PRDM16: variants seen among roughly 807,000 people sequenced by gnomAD.
The protein encoded by PRDM16 is PR/SET domain 16, also known as histone-lysine N-methyltransferase PRDM16.
PRDM16 carries 23 observed loss-of-function variants against 110.6 expected under a neutral mutation model. That is an observed-to-expected ratio of 0.21 (90% CI 0.15 to 0.29). The LOEUF is 0.29. PRDM16 is among the 10% of genes least tolerant of loss of function. The pLI, the probability that PRDM16 is intolerant of heterozygous loss-of-function variation, is 1.00. For synonymous variants in PRDM16, 799 were observed against 781.8 expected (o/e 1.02, Z -0.37); for missense variants, 1,615 against 1,794.3 (o/e 0.90, Z 1.81).
intron 3 of PRDM16, among the ~76,000 whole-genome samples, chr1:3,251,297 C>T (rs1225832837): frequency 2.7e-5 from 1 of 36,614 alleles, no homozygotes; most frequent in East Asian, 5.4e-4. Flanking sequence ...TCACGTGCTG[C>T]GTGGTTCAGG....
intron 8 of PRDM16, among the ~76,000 whole-genome samples, chr1:3,410,818 C>G (rs1384309809): frequency 6.6e-6 from 1 of 152,198 alleles, no homozygotes; most frequent in African/African-American, 2.4e-5. Context: ...TGGCAGACAC[C>G]ATCACATGCA....
rs1254921940 is a variant in PRDM16 at position 3,435,762 on chromosome 1, A to G, written c.*1951A>G. The G allele has an allele frequency of 1.3e-5, 3 of 231,374 alleles. No individual in the cohort carries two copies. Among genetic ancestry groups the G allele is most frequent in the Admixed American group, 5.6e-5 (1 of 17,744 alleles). The allele number at this position is 231,374 out of a possible 1,614,324, so 14.3% of individuals were successfully genotyped here. On this transcript the variant is annotated 3_prime_UTR_variant, in exon 17 of 17. Coordinates refer to ENST00000270722, the MANE Select transcript of PRDM16 (RefSeq NM_022114.4). ...CCTGGCTGCTCCAGGACAAAAGACA[A>G]TCGTCTCTGTGGGTGCCGGGTGGTC...
At chr1:3,415,388 G>A (rs969723961) in intron 10 of PRDM16, among the ~76,000 whole-genome samples, 2 of 152,274 alleles carry the variant, frequency 1.3e-5, no homozygotes, top group African/African-American at 4.8e-5. Context: ...GGCCCTGACA[G>A]ACTGCAGACC....
intron 3 of PRDM16, among the ~76,000 whole-genome samples, chr1:3,351,359 G>A (rs1359662357): frequency 6.6e-6 from 1 of 151,824 alleles, no homozygotes; most frequent in Non-Finnish European, 1.5e-5. Context: ...TAGGGAAAAA[G>A]CTCCATCCAG....
chr1:3,291,759 G>A (rs12404208), intron 3 of PRDM16, among the ~76,000 whole-genome samples: 16,724 of 152,344 alleles, frequency 0.11, 1,013 homozygotes, highest in Middle Eastern at 0.16. Flanking sequence ...TGGGGGAGAC[G>A]GGGGTTCTGT....
At chr1:3,233,208 G>GT (rs1443228594) in intron 2 of PRDM16, among the ~76,000 whole-genome samples, 1 of 152,202 alleles carries the variant, frequency 6.6e-6, no homozygotes, top group Admixed American at 6.5e-5. Flanking sequence ...CAGGGTGGGG[G>GT]TGGCCGGTGG....
rs751952895 is a variant in PRDM16, at chr1:3,404,898, G to C, written c.1032+12G>C. On this transcript the variant is annotated intron_variant, in intron 7 of 16. Transcript: ENST00000270722. ...AAAACTGCGTGAAGGTAACCTGCGGGGCGGCCCCGTCTCAGCCCCGGGGCA... is the reference window on the plus strand; with the variant it reads ...AAAACTGCGTGAAGGTAACCTGCGGCGCGGCCCCGTCTCAGCCCCGGGGCA... 10 of 1,611,594 alleles carry C rather than the reference G, an allele frequency of 6.2e-6. No individual in the cohort carries two copies. In the South Asian group the frequency reaches 9.9e-5, roughly 16 times the overall value.
At chr1:3,409,866 T>G (rs1325366269) in intron 8 of PRDM16, among the ~76,000 whole-genome samples, 153 of 120,324 alleles carry the variant, frequency 1.3e-3, no homozygotes, top group Middle Eastern at 5.4e-3. Flanking sequence ...GTGGTGTTTG[T>G]GTGCATGTGT....
chr1:3,231,587 C>T (rs1377600729), intron 2 of PRDM16, among the ~76,000 whole-genome samples: 12 of 152,206 alleles, frequency 7.9e-5, no homozygotes, highest in African/African-American at 2.9e-4. Context: ...TGGTTTCTGC[C>T]GTCCTTCCCA....
At chr1:3,236,869 C>A (rs1198794807) in intron 2 of PRDM16, among the ~76,000 whole-genome samples, 1 of 152,222 alleles carries the variant, frequency 6.6e-6, no homozygotes, top group East Asian at 1.9e-4. Flanking sequence ...GGGCCAAGTA[C>A]CCAGTGCGGA....
chr1:3,200,036 G>C (rs905133), intron 2 of PRDM16, among the ~76,000 whole-genome samples: 18,525 of 152,338 alleles, frequency 0.12, 1,704 homozygotes, highest in East Asian at 0.47. Flanking sequence ...GTGCACATGG[G>C]TGAATGCTGA....
intron 3 of PRDM16, among the ~76,000 whole-genome samples, chr1:3,331,272 A>C (rs11577229): frequency 0.57 from 86,717 of 151,836 alleles, 25,975 homozygotes; most frequent in African/African-American, 0.76. Context: ...GGGGGCGCAT[A>C]CTGGGAGTCT....
intron 1 of PRDM16, among the ~76,000 whole-genome samples, chr1:3,158,860 G>A (rs1477191030): frequency 6.7e-6 from 1 of 148,716 alleles, no homozygotes; most frequent in Admixed American, 6.8e-5. Flanking sequence ...TGCAACCCCC[G>A]CCTCCTGGGT....
intron 1 of PRDM16, among the ~76,000 whole-genome samples, chr1:3,170,173 C>CG (rs1172440849): frequency 6.6e-6 from 1 of 152,246 alleles, no homozygotes; most frequent in African/African-American, 2.4e-5. Flanking sequence ...AAACTATGAA[C>CG]GTCTTCATCA....
intron 3 of PRDM16, among the ~76,000 whole-genome samples, chr1:3,380,060 C>G (rs1379970215): frequency 6.8e-6 from 1 of 147,570 alleles, no homozygotes; most frequent in African/African-American, 2.5e-5. Flanking sequence ...CATCCCAACA[C>G]AGCCCTCCCA....
intron 1 of PRDM16, among the ~76,000 whole-genome samples, chr1:3,119,765 T>A (rs1643048616): frequency 6.6e-6 from 1 of 152,058 alleles, no homozygotes; most frequent in Non-Finnish European, 1.5e-5. Flanking sequence ...ACGTAAGCGG[T>A]GGAGTTAAGT....
chr1:3,258,439 G>C (rs1390014406), intron 3 of PRDM16, among the ~76,000 whole-genome samples: 2 of 152,184 alleles, frequency 1.3e-5, no homozygotes, highest in African/African-American at 4.8e-5. Context: ...TTATGCTAAC[G>C]GGATTCATTA....
Position 3,360,734 on chromosome 1 carries a change from C to T in PRDM16, c.439-24418C>T, listed in dbSNP as rs767147519. Among the ~76,000 whole-genome samples, 9 of 152,324 alleles carry T rather than the reference C, an allele frequency of 5.9e-5. No individual in the cohort carries two copies. In the East Asian group the frequency reaches 1.4e-3, roughly 23 times the overall value. On this transcript the variant is annotated intron_variant, in intron 3 of 16. Transcript: ENST00000270722. ...CAAGCACAGGGCCCAGCACGCCCAT[C>T]GGGACAGGAGTCCAACTGACCGAGT...
intron 1 of PRDM16, among the ~76,000 whole-genome samples, chr1:3,182,746 G>A (rs976200454): frequency 2.0e-5 from 3 of 152,170 alleles, no homozygotes; most frequent in Admixed American, 6.5e-5. Context: ...AATGACGATC[G>A]CTCATACGTG....
Sources: allele counts gnomAD v4.1 joint callset (sites outside exome capture counted in the v4.1 genomes callset), GRCh38; gene constraint gnomAD v4.1.1; transcripts MANE v1.5; gene names NCBI Gene and HGNC (gene_info 2026-07-23, HGNC 2026-07-21).